The following GOLM1 variants were observed in gnomAD, a reference collection of about 807,000 sequenced individuals.
GOLM1 encodes the protein epididymis luminal protein 46.
Under a neutral mutation model 50.5 loss-of-function variants are expected in GOLM1, and 31 were observed. The ratio of observed to expected loss-of-function variants is 0.61; its 90% CI spans 0.46 to 0.83. GOLM1 has a LOEUF of 0.83. Ranked by LOEUF, GOLM1 falls within the 40% of genes least tolerant of loss-of-function variation. The probability of loss-of-function intolerance (pLI) is 0.00; values close to 1 mark genes in which losing one functional copy is unlikely to be tolerated. For missense variants in GOLM1, 491 were observed against 501.3 expected (o/e 0.98, Z 0.20); for synonymous variants, 178 against 192.8 (o/e 0.92, Z 0.64).
chr9:86,052,348 AT>A (rs983784266), intron 4 of GOLM1, among the ~76,000 whole-genome samples, 188 bp downstream of exon 4: 3 of 151,866 alleles, frequency 2.0e-5, no homozygotes, highest in Admixed American at 6.6e-5. Context: ...ATTTGGCAAT[AT>A]TTTTTTTTAA....
In GOLM1 at chr9:86,083,862, T is replaced by A. The variant is rs561998889; in HGVS notation, c.-21-4521A>T. ...TAAAAACTTTTCCAGCAACAAAACCTGAACTGAGATCAAGGTCTGATCAGA... is the reference window on the plus strand; with the variant it reads ...TAAAAACTTTTCCAGCAACAAAACCAGAACTGAGATCAAGGTCTGATCAGA... On this transcript the variant is annotated intron_variant, in intron 1 of 9. Coordinates refer to ENST00000388712, the MANE Select transcript of GOLM1 (RefSeq NM_016548.4). Among the ~76,000 whole-genome samples the A allele has an allele frequency of 5.9e-5, 9 of 152,332 alleles. No homozygotes were observed. In the South Asian group the frequency reaches 1.9e-3, roughly 32 times the overall value.
intron 3 of GOLM1, among the ~76,000 whole-genome samples, chr9:86,057,644 AC>A (rs35350611): frequency 0.3 from 44,839 of 151,974 alleles, 8,553 homozygotes; most frequent in East Asian, 0.54. Flanking sequence ...GGGTCTGCAC[AC>A]CCGTGTTCAG....
rs755481678 is a variant in GOLM1 at position 86,079,283 on chromosome 9, G to A, written c.38C>T (p.Ser13Leu). 11 of 1,609,020 alleles carry A rather than the reference G, an allele frequency of 6.8e-6. No homozygotes were observed. The highest frequency in any genetic ancestry group is 4.5e-5 in the East Asian group (2 of 44,744). ...GLGNGRRSMKSPPLVLAALVA... is the reference protein window; with the variant it reads ...GLGNGRRSMKLPPLVLAALVA... ...CAGGGCGGCCAGCACGAGGGGCGGC[G>A]ACTTCATGCTGCGACGCCCGTTTCC... The change falls in exon 2 of 10, where the codon TCG becomes TTG. Residue 13 changes from serine to leucine, a missense_variant. Ser to Leu is a moderately radical substitution (Grantham distance 145, BLOSUM62 -2). Coordinates refer to ENST00000388712, the MANE Select transcript of GOLM1 (RefSeq NM_016548.4).
At position 86,093,965 on chromosome 9, in the gene GOLM1, T is replaced by C. The variant is rs1282540964; in HGVS notation, c.-22+5446A>G. On this transcript the variant is annotated intron_variant, in intron 1 of 9. Transcript: ENST00000388712. ...CACCTCTAACTCCTTCTCAGAGGAA[T>C]GGCCCCAGCGGCTCAGCAGGAAGTT... 2.0e-5 allele frequency among the ~76,000 whole-genome samples: 3 copies of C among 152,218 alleles called. No homozygotes were observed. The East Asian group carries it at 5.8e-4, about 29-fold the overall frequency.
At chr9:86,029,847 T>C (rs889827987) in intron 9 of GOLM1, among the ~76,000 whole-genome samples, 1 of 152,120 alleles carries the variant, frequency 6.6e-6, no homozygotes, top group Non-Finnish European at 1.5e-5. Context: ...GACACCTGAG[T>C]GTAGGGAATG....
chr9:86,035,665 T>G (rs1833108849), intron 7 of GOLM1, 40 bp from the exon 8 acceptor site: 1 of 1,433,282 alleles, frequency 7.0e-7, no homozygotes, highest in African/African-American at 1.6e-5. Context: ...TTGCCAGCAT[T>G]TGATTTAAAA....
chr9:86,036,412 G>A lies in GOLM1; in HGVS notation c.693C>T (p.Ser231=), dbSNP rs370268395. The part of the protein sequence containing the change: ...PQGKGNVLGN[S]KSQTPAPSSE... ...AACTGGGGGCTGGTGTCTGGGACTT[G>A]CTGTTACCAAGCACGTTTCCCTTCC... Residue 231 remains serine (S), a synonymous_variant, in exon 7 of 10, where the codon AGC becomes AGT. Transcript: ENST00000388712. 1 of 1,614,162 alleles carries A rather than the reference G, an allele frequency of 6.2e-7. No homozygotes were observed. The highest frequency in any genetic ancestry group is 2.2e-5 in the East Asian group (1 of 44,866).
In GOLM1 at chr9:86,041,137, A is replaced by G. The variant is rs189938024; in HGVS notation, c.468-269T>C. 3.4e-4 allele frequency among the ~76,000 whole-genome samples: 52 copies of G among 152,334 alleles called. 1 individual carries two copies. The East Asian group carries it at 8.1e-3, about 24-fold the overall frequency. ...TTTTTTAACATACAATCTGTAGAATAATAAAAAAAATATGTATTGGTCTTT... is the reference window on the plus strand; with the variant it reads ...TTTTTTAACATACAATCTGTAGAATGATAAAAAAAATATGTATTGGTCTTT... On this transcript the variant is annotated intron_variant, in intron 5 of 9. Coordinates refer to ENST00000388712, the MANE Select transcript of GOLM1 (RefSeq NM_016548.4).
chr9:86,035,886 A>C (rs532423292), intron 7 of GOLM1, among the ~76,000 whole-genome samples: 24 of 148,738 alleles, frequency 1.6e-4, no homozygotes, highest in Admixed American at 4.0e-4. Context: ...AACAAAACAA[A>C]AAAAAAAAAA....
chr9:86,050,814 G>C (rs1259019066), intron 4 of GOLM1, among the ~76,000 whole-genome samples: 4 of 152,118 alleles, frequency 2.6e-5, no homozygotes, highest in Non-Finnish European at 5.9e-5. Flanking sequence ...CAAAAAACCA[G>C]CTCCTGGATT....
intron 2 of GOLM1, chr9:86,077,814 C>G: frequency 2.0e-6 from 1 of 512,640 alleles, no homozygotes; most frequent in Non-Finnish European, 3.5e-6. Context: ...TCTGTGCACT[C>G]ACACCACACT....
intron 6 of GOLM1, among the ~76,000 whole-genome samples, chr9:86,038,219 A>T (rs1833215202): frequency 6.6e-6 from 1 of 152,026 alleles, no homozygotes; most frequent in Non-Finnish European, 1.5e-5. Context: ...TCCCATACTT[A>T]TGAGTTTTAC....
intron 1 of GOLM1, among the ~76,000 whole-genome samples, chr9:86,083,948 T>G (rs1177025704): frequency 6.6e-6 from 1 of 152,366 alleles, no homozygotes; most frequent in Non-Finnish European, 1.5e-5. Flanking sequence ...CTCATACATT[T>G]CACTGCAGAA....
intron 1 of GOLM1, among the ~76,000 whole-genome samples, chr9:86,088,132 A>G (rs1835035415): frequency 6.6e-6 from 1 of 151,986 alleles, no homozygotes. Context: ...TTATTGGTCT[A>G]TTCAGGGATT....
chr9:86,038,828 T>G (rs1165638749), intron 6 of GOLM1, among the ~76,000 whole-genome samples: 1 of 152,048 alleles, frequency 6.6e-6, no homozygotes, highest in African/African-American at 2.4e-5. Context: ...ACGTAAGAAC[T>G]AAGAACGATA....
At chr9:86,039,639 C>A (rs958572295) in intron 6 of GOLM1, among the ~76,000 whole-genome samples, 1 of 152,170 alleles carries the variant, frequency 6.6e-6, no homozygotes, top group East Asian at 1.9e-4. Flanking sequence ...CATGCTGCAA[C>A]CCCGATGAGC....
At chr9:86,095,175 C>A (rs1034089085) in intron 1 of GOLM1, among the ~76,000 whole-genome samples, 5 of 151,992 alleles carry the variant, frequency 3.3e-5, no homozygotes, top group African/African-American at 1.2e-4. Context: ...AGGGCCCAAT[C>A]CTGCCAGCCA....
At chr9:86,051,471 G>T (rs560996370) in intron 4 of GOLM1, among the ~76,000 whole-genome samples, 1 of 152,132 alleles carries the variant, frequency 6.6e-6, no homozygotes, top group Non-Finnish European at 1.5e-5. Flanking sequence ...GGGTGTTAAA[G>T]TCTCCCATTA....
chr9:86,028,032 T>G, intron 9 of GOLM1, 139 bp from the exon 10 acceptor site: 1 of 600,904 alleles, frequency 1.7e-6, no homozygotes, highest in Non-Finnish European at 2.9e-6. Context: ...AATTGGGAGT[T>G]GTATTCCTCA....
Sources: gnomAD v4.1 joint callset for allele counts (sites outside exome capture counted in the v4.1 genomes callset) on GRCh38, gnomAD v4.1.1 for gene constraint, MANE v1.5 for transcripts, NCBI Gene and HGNC (gene_info 2026-07-23, HGNC 2026-07-21) for gene names.